DTNA: variants seen among roughly 807,000 people sequenced by gnomAD.
DTNA encodes dystrophin-related protein 3.
DTNA carries 43 observed loss-of-function variants against 100.7 expected under a neutral mutation model. The ratio of observed to expected loss-of-function variants is 0.43; its 90% confidence interval spans 0.33 to 0.55. DTNA has a LOEUF of 0.55. Among genes scored for constraint, DTNA ranks in the 20% least tolerant of loss-of-function variants. DTNA has a pLI of 0.04. For missense variants in DTNA, 798 were observed against 953.9 expected, an observed-to-expected ratio of 0.84 and a Z score of 2.15; for synonymous variants, 349 against 347.9, an observed-to-expected ratio of 1.00 and a Z score of -0.04.
At chr18:34,800,820 A>G (rs1375601522) in intron 4 of DTNA, among the ~76,000 whole-genome samples, 1 of 152,212 alleles carries the variant, frequency 6.6e-6, no homozygotes, top group African/African-American at 2.4e-5. Flanking sequence ...TGTACTTAGC[A>G]TCCAGCCCTA....
intron 19 of DTNA, among the ~76,000 whole-genome samples, chr18:34,878,903 T>G (rs1386349749): frequency 6.6e-6 from 1 of 152,150 alleles, no homozygotes; most frequent in African/African-American, 2.4e-5. Context: ...ACTTCAGTTT[T>G]AAAAAAATCC....
At chr18:34,693,775 TG>T (rs2080119849) in intron 1 of DTNA, among the ~76,000 whole-genome samples, 1 of 151,394 alleles carries the variant, frequency 6.6e-6, no homozygotes, top group South Asian at 2.1e-4. Flanking sequence ...TGTGTGTGTG[TG>T]TGTGTGTGTA....
At chr18:34,818,748 C>A in intron 8 of DTNA, 1 of 669,632 alleles carries the variant, frequency 1.5e-6, no homozygotes, top group Non-Finnish European at 2.0e-6. Context: ...AAGTGCGTGA[C>A]TAGAATATTA....
At chr18:34,790,568 T>TA (rs1491509976) in intron 3 of DTNA, among the ~76,000 whole-genome samples, 13 of 29,256 alleles carry the variant, frequency 4.4e-4, no homozygotes, top group African/African-American at 1.4e-3. Context: ...TATATATATA[T>TA]TTTTTTTTTT....
At chr18:34,787,202 A>G (rs961165247) in intron 3 of DTNA, among the ~76,000 whole-genome samples, 4 of 152,232 alleles carry the variant, frequency 2.6e-5, no homozygotes, top group Admixed American at 2.0e-4. Flanking sequence ...CTAAGTCACT[A>G]TAATTGTCTA....
At chr18:34,591,479 G>A (rs962016295) in intron 1 of DTNA, among the ~76,000 whole-genome samples, 3 of 152,176 alleles carry the variant, frequency 2.0e-5, no homozygotes, top group Admixed American at 2.0e-4. Context: ...AGATACAACA[G>A]AGGTGAACAG....
chr18:34,631,163 C>T (rs76571969), intron 1 of DTNA, among the ~76,000 whole-genome samples: 9 of 152,286 alleles, frequency 5.9e-5, no homozygotes, highest in African/African-American at 1.9e-4. Flanking sequence ...TTAAAGCACA[C>T]GTAGCGCTTG....
intron 1 of DTNA, among the ~76,000 whole-genome samples, chr18:34,548,718 T>A (rs1345306907): frequency 6.6e-6 from 1 of 152,128 alleles, no homozygotes; most frequent in Non-Finnish European, 1.5e-5. Flanking sequence ...CCTCTACCTC[T>A]TGGTTCTTTA....
At chr18:34,736,506 T>C (rs1173104732) in intron 1 of DTNA, among the ~76,000 whole-genome samples, 5 of 152,188 alleles carry the variant, frequency 3.3e-5, no homozygotes, top group South Asian at 2.1e-4. Context: ...GAAGAAAAAA[T>C]GGAAGATTGT....
chr18:34,718,386 A>G (rs964609522), intron 1 of DTNA, among the ~76,000 whole-genome samples: 1 of 152,222 alleles, frequency 6.6e-6, no homozygotes, highest in African/African-American at 2.4e-5. Context: ...AAGAATTTTA[A>G]AAGTATATAA....
chr18:34,829,277 A>G lies in DTNA; in HGVS notation c.1086-123A>G, dbSNP rs554847035. The G allele has an allele frequency of 1.4e-4, 217 of 1,520,730 alleles. 12 individuals are homozygous for G. In the South Asian group the frequency reaches 2.7e-3, roughly 19 times the overall value. The allele number at this position is 1,520,730 out of a possible 1,614,324, so 94.2% of individuals were successfully genotyped here. On this transcript the variant is annotated intron_variant, in intron 10 of 22. Coordinates refer to ENST00000444659, the MANE Select transcript of DTNA (RefSeq NM_001386795.1). ...TTTCTGTCACCACAGAGATTGGCCTACGGTTTCTGTTTTGAGGGTGCTGTT... is the reference window on the plus strand; with the variant it reads ...TTTCTGTCACCACAGAGATTGGCCTGCGGTTTCTGTTTTGAGGGTGCTGTT...
chr18:34,583,337 C>T (rs1023555377), intron 1 of DTNA, among the ~76,000 whole-genome samples: 1 of 152,048 alleles, frequency 6.6e-6, no homozygotes, highest in East Asian at 1.9e-4. Context: ...TTGGCCCCCA[C>T]CCCCAAACAC....
chr18:34,760,321 C>G (rs1378877574), intron 2 of DTNA, among the ~76,000 whole-genome samples: 2 of 152,128 alleles, frequency 1.3e-5, no homozygotes, highest in African/African-American at 2.4e-5. Context: ...TTTTCTGTCT[C>G]TTAGTACCCT....
At chr18:34,512,046 TGAGTTTTA>T (rs1420793988) in intron 1 of DTNA, among the ~76,000 whole-genome samples, 1 of 151,998 alleles carries the variant, frequency 6.6e-6, no homozygotes, top group African/African-American at 2.4e-5. Flanking sequence ...ATCATTACTC[TGAGTTTTA>T]TTTCCTAAGC....
intron 1 of DTNA, among the ~76,000 whole-genome samples, chr18:34,606,200 A>AT (rs963331021): frequency 1.6e-4 from 25 of 151,824 alleles, no homozygotes; most frequent in East Asian, 7.7e-4. Flanking sequence ...GGAGGGCTCT[A>AT]TTTTTTTTAC....
chr18:34,886,637 A>G (rs2096924293), intron 22 of DTNA, among the ~76,000 whole-genome samples: 1 of 152,226 alleles, frequency 6.6e-6, no homozygotes. Flanking sequence ...TCAGTACTCT[A>G]GAAGTTCCTA....
At chr18:34,825,084 A>G (rs978724427) in intron 9 of DTNA, among the ~76,000 whole-genome samples, 2 of 152,100 alleles carry the variant, frequency 1.3e-5, no homozygotes, top group Non-Finnish European at 2.9e-5. Flanking sequence ...AACTATAGCC[A>G]AGGGACTTTT....
intron 1 of DTNA, among the ~76,000 whole-genome samples, chr18:34,730,474 T>C (rs930709728): frequency 1.3e-5 from 2 of 152,146 alleles, no homozygotes; most frequent in Admixed American, 1.3e-4. Context: ...AAGTGTTGCA[T>C]TGTGGCCCCT....
intron 1 of DTNA, among the ~76,000 whole-genome samples, chr18:34,718,906 C>T (rs1412820483): frequency 6.6e-6 from 1 of 152,070 alleles, no homozygotes; most frequent in Admixed American, 6.6e-5. Context: ...CATGAGTTCT[C>T]GGATTTAAGA....
Sources: allele counts gnomAD v4.1 joint callset (sites outside exome capture counted in the v4.1 genomes callset), GRCh38; gene constraint gnomAD v4.1.1; transcripts MANE v1.5; gene names NCBI Gene and HGNC (gene_info 2026-07-23, HGNC 2026-07-21).